SLC16A14: variants seen among roughly 807,000 people sequenced by gnomAD.
SLC16A14 encodes the protein monocarboxylate transporter 14.
In SLC16A14, 14 loss-of-function variants were observed where a neutral mutation model predicts 35.8. The observed-to-expected ratio is 0.39, with a 90% CI of 0.26 to 0.61. The LOEUF is 0.61. Among genes scored for constraint, SLC16A14 ranks in the 20% least tolerant of loss-of-function variants. The pLI is 0.51. For missense variants in SLC16A14, 533 were observed against 655.0 expected, an observed-to-expected ratio of 0.81 and a Z score of 2.03; for synonymous variants, 248 against 258.9, an observed-to-expected ratio of 0.96 and a Z score of 0.40.
chr2:230,062,813 C>G (rs143831318), intron 1 of SLC16A14, among the ~76,000 whole-genome samples: 221 of 152,282 alleles, frequency 1.5e-3, no homozygotes, highest in Middle Eastern at 6.8e-3. Flanking sequence ...CTTTCTGTCA[C>G]ACCTTGTTCT....
Position 230,063,169 on chromosome 2 carries a change from C to T in SLC16A14, c.-14-3803G>A, listed in dbSNP as rs535756541. ...GGGCATGGTGGCAGGTGCCTAAAAT[C>T]CCAGCTACTTGGGAGGCTGAGGTAG... On this transcript the variant is annotated intron_variant, in intron 1 of 4. Coordinates refer to ENST00000295190, the MANE Select transcript of SLC16A14 (RefSeq NM_152527.5). 2.0e-3 allele frequency among the ~76,000 whole-genome samples: 305 copies of T among 151,844 alleles called. 2 individuals are homozygous for T. Among genetic ancestry groups the T allele is most frequent in the African/African-American group, 6.8e-3 (282 of 41,416 alleles).
At chr2:230,052,100 C>G (rs2077665395) in intron 2 of SLC16A14, among the ~76,000 whole-genome samples, 1 of 152,100 alleles carries the variant, frequency 6.6e-6, no homozygotes, top group Non-Finnish European at 1.5e-5. Flanking sequence ...CCATGCCTGG[C>G]TAATTTTTGT....
chr2:230,043,490 C>G (rs2077576316), intron 4 of SLC16A14, among the ~76,000 whole-genome samples: 1 of 152,178 alleles, frequency 6.6e-6, no homozygotes, highest in African/African-American at 2.4e-5. Context: ...ATTCCTTCAC[C>G]CACTGGGGAG....
In SLC16A14 at chr2:230,068,570, G is replaced by A. The variant is rs1259175674; in HGVS notation, c.-30C>T. Reference sequence around the variant, plus strand: ...GGATACTCACCGCCCGAGGCCCGCTGGGCTGCGGCCTCACTCGGCTCCACG... The same window carrying A: ...GGATACTCACCGCCCGAGGCCCGCTAGGCTGCGGCCTCACTCGGCTCCACG... On this transcript the variant is annotated 5_prime_UTR_variant, in exon 1 of 5. Transcript: ENST00000295190. This position sits in a 1 kb window ranked among gnomAD's most constrained non-coding sequence, Gnocchi z 5.1. 6.5e-6 allele frequency: 1 copy of A among 152,842 alleles called. No individual in the cohort carries two copies. The highest frequency in any genetic ancestry group is 2.4e-5 in the African/African-American group (1 of 41,456). 9.5% of individuals were successfully genotyped at this position (152,842 alleles called of 1,614,324 possible).
At chr2:230,054,084 G>GT (rs1553820339) in intron 2 of SLC16A14, among the ~76,000 whole-genome samples, 2 of 52,194 alleles carry the variant, frequency 3.8e-5, no homozygotes, top group Non-Finnish European at 5.3e-5. Context: ...TGCAGCCTGA[G>GT]GTGGGGGGGG....
intron 2 of SLC16A14, among the ~76,000 whole-genome samples, chr2:230,056,257 T>G (rs943671614): frequency 8.1e-5 from 12 of 147,706 alleles, no homozygotes; most frequent in African/African-American, 2.8e-4. Flanking sequence ...TTGGTGTTTT[T>G]TTTTTTTTTT....
At position 230,059,946 on chromosome 2, in the gene SLC16A14, A is replaced by G. The variant is rs1370392528; in HGVS notation, c.-14-580T>C. On this transcript the variant is annotated intron_variant, in intron 1 of 4. Transcript: ENST00000295190. ...AGCTCAGGAGAGACTGATAAGTCCAATTGATTACAATGAAAGACATAGCTT... is the reference window on the plus strand; with the variant it reads ...AGCTCAGGAGAGACTGATAAGTCCAGTTGATTACAATGAAAGACATAGCTT... Among the ~76,000 whole-genome samples, 4 of 152,238 alleles carry G rather than the reference A, an allele frequency of 2.6e-5. No homozygotes were observed. The East Asian group carries it at 7.7e-4, about 29-fold the overall frequency.
At position 230,046,632 on chromosome 2, in the gene SLC16A14, G is replaced by C; in HGVS notation, c.494C>G (p.Thr165Ser). The change falls in exon 4 of 5, where the codon ACC (threonine) becomes AGC (serine). Residue 165 changes from threonine (T) to serine (S), a missense_variant. Transcript: ENST00000295190. This position sits in a 1 kb window ranked among gnomAD's most constrained non-coding sequence, Gnocchi z 5.0. ...GAACGTACCGAATCCGGTCCCCGTG[G>C]TGCTGAGGCCCTGGGCGAGGGCGCG... ...KRRALAQGLS[T>S]TGTGFGTFLM... 1.2e-6 allele frequency: 2 copies of C among 1,611,402 alleles called. No homozygotes were observed. The highest frequency in any genetic ancestry group is 1.7e-6 in the Non-Finnish European group (2 of 1,180,026).
intron 1 of SLC16A14, among the ~76,000 whole-genome samples, chr2:230,061,946 T>C (rs371927381): frequency 3.3e-5 from 5 of 152,296 alleles, no homozygotes; most frequent in African/African-American, 1.2e-4. Flanking sequence ...TTCGCCATGA[T>C]GGCCAGACTG....
At chr2:230,065,900 C>T in intron 1 of SLC16A14, among the ~76,000 whole-genome samples, 1 of 152,106 alleles carries the variant, frequency 6.6e-6, no homozygotes. Flanking sequence ...CTTTGACCAC[C>T]ATAGGGCCTT....
rs572868919 is a variant in SLC16A14, at chr2:230,038,708, C to T, written c.1382-1177G>A. On this transcript the variant is annotated intron_variant, in intron 4 of 4. Coordinates refer to ENST00000295190, the MANE Select transcript of SLC16A14 (RefSeq NM_152527.5). The surrounding 1 kb of genome is among the most constrained non-coding windows in gnomAD (Gnocchi z 4.4). ...TCACATGAAGCCAGGAGTTCGAGAC[C>T]AGCCTGGCCAACATGGCAAAACCCC... Among the ~76,000 whole-genome samples the T allele has an allele frequency of 5.9e-5, 9 of 152,186 alleles. No homozygotes were observed. Among genetic ancestry groups the T allele is most frequent in the African/African-American group, 1.7e-4 (7 of 41,510 alleles).
intron 4 of SLC16A14, among the ~76,000 whole-genome samples, chr2:230,044,363 A>G (rs896578156): frequency 3.9e-5 from 6 of 151,952 alleles, no homozygotes; most frequent in Admixed American, 2.0e-4. Flanking sequence ...CTGTAATCCC[A>G]GCTACTCAGG....
At chr2:230,066,856 A>G (rs4324312) in intron 1 of SLC16A14, 61,984 of 254,268 alleles carry the variant, frequency 0.24, 8,641 homozygotes, top group South Asian at 0.35. Context: ...CGAAACTCTG[A>G]CCTCAGATGA....
At position 230,059,076 on chromosome 2, in the gene SLC16A14, GGT is replaced by G; in HGVS notation, c.259+16_259+17del. The G allele has an allele frequency of 6.4e-7, 1 of 1,572,170 alleles. No homozygotes were observed. The highest frequency in any genetic ancestry group is 8.6e-7 in the Non-Finnish European group (1 of 1,158,364). ...TTGATAACGATTCAGTTTTACGACA[GGT>G]CACACATGAACATACCCACTATCAA... On this transcript the variant is annotated intron_variant, in intron 2 of 4. Transcript: ENST00000295190.
At chr2:230,059,561 C>T (rs1233240673) in intron 1 of SLC16A14, among the ~76,000 whole-genome samples, 195 bp from the exon 2 acceptor site, 1 of 152,090 alleles carries the variant, frequency 6.6e-6, no homozygotes. Flanking sequence ...TCTATGAAAC[C>T]TGTTTCATCT....
intron 4 of SLC16A14, among the ~76,000 whole-genome samples, chr2:230,045,335 A>G (rs1355486292): frequency 6.6e-6 from 1 of 152,248 alleles, no homozygotes; most frequent in Non-Finnish European, 1.5e-5. Context: ...AGGCAGGTGG[A>G]TCACTCGAGG....
intron 4 of SLC16A14, among the ~76,000 whole-genome samples, chr2:230,042,580 T>A (rs1367992067): frequency 6.6e-6 from 1 of 152,198 alleles, no homozygotes; most frequent in Admixed American, 6.5e-5. Context: ...CATTTCTGCA[T>A]ACAGTGTATC....
intron 4 of SLC16A14, among the ~76,000 whole-genome samples, chr2:230,044,736 G>GTGTGTGTA (rs575463088): frequency 0.17 from 17,601 of 106,576 alleles, 1,301 homozygotes; most frequent in South Asian, 0.26. Flanking sequence ...GTGTGTGTGT[G>GTGTGTGTA]TATGTGTGTG....
At chr2:230,064,786 G>C (rs2077779092) in intron 1 of SLC16A14, among the ~76,000 whole-genome samples, 1 of 152,168 alleles carries the variant, frequency 6.6e-6, no homozygotes, top group African/African-American at 2.4e-5. Flanking sequence ...CGAGGTAGGC[G>C]GATCACCTGA....
Sources: allele counts gnomAD v4.1 joint callset (sites outside exome capture counted in the v4.1 genomes callset), GRCh38; gene constraint gnomAD v4.1.1; non-coding constraint Gnocchi (gnomAD v3.1); transcripts MANE v1.5; gene names NCBI Gene and HGNC (gene_info 2026-07-23, HGNC 2026-07-21).